TNPO1: variants seen among roughly 807,000 people sequenced by gnomAD.
TNPO1 encodes the protein transportin-1.
TNPO1 carries 8 observed loss-of-function variants against 119.5 expected under a neutral mutation model. That is an observed-to-expected ratio of 0.07 (90% confidence interval 0.04 to 0.12). The LOEUF is 0.12. TNPO1 is among the 10% of genes least tolerant of loss of function. TNPO1 has a pLI of 1.00. For missense variants in TNPO1, 576 were observed against 1,089.8 expected (o/e 0.53, Z 6.64); for synonymous variants, 362 against 363.0 (o/e 1.00, Z 0.03).
chr5:72,891,356 T>C (rs1325527293), intron 14 of TNPO1, among the ~76,000 whole-genome samples: 2 of 151,878 alleles, frequency 1.3e-5, no homozygotes, highest in Non-Finnish European at 2.9e-5. Flanking sequence ...TCCCAGCTAC[T>C]CGGGAGGCTG....
intron 24 of TNPO1, among the ~76,000 whole-genome samples, chr5:72,906,434 G>A (rs1750173014): frequency 6.6e-6 from 1 of 151,576 alleles, no homozygotes. Context: ...TGGCATTACA[G>A]GCACATGCCA....
intron 11 of TNPO1, 100 bp from the exon 12 acceptor site, chr5:72,886,970 A>C (rs953208256): frequency 3.6e-5 from 39 of 1,072,900 alleles, no homozygotes; most frequent in Non-Finnish European, 4.9e-5. Flanking sequence ...TTATTTTAAA[A>C]CTCCGTATTA....
chr5:72,903,593 T>C, intron 22 of TNPO1, 116 bp from the exon 23 acceptor site: 1 of 672,004 alleles, frequency 1.5e-6, no homozygotes, highest in Non-Finnish European at 2.5e-6. Context: ...AATTTTTAAA[T>C]GTTTCCTTTT....
chr5:72,851,996 C>T (rs758003537), intron 3 of TNPO1, among the ~76,000 whole-genome samples: 16 of 152,084 alleles, frequency 1.1e-4, no homozygotes, highest in Non-Finnish European at 1.9e-4. Flanking sequence ...GTCATATAAT[C>T]AAAATGAAAA....
intron 1 of TNPO1, 46 bp from the exon 2 acceptor site, chr5:72,848,339 G>A (rs377477022): frequency 1.3e-5 from 20 of 1,580,014 alleles, no homozygotes; most frequent in Non-Finnish European, 1.6e-5. Context: ...TGTGCACCGG[G>A]AGTAACAGTT....
chr5:72,850,279 A>G (rs559073579), intron 2 of TNPO1, among the ~76,000 whole-genome samples: 20 of 152,228 alleles, frequency 1.3e-4, no homozygotes, highest in Non-Finnish European at 1.5e-4. Flanking sequence ...ATTCATTGGC[A>G]TATCAGCTTG....
chr5:72,847,093 T>C (rs2112234795), intron 1 of TNPO1, among the ~76,000 whole-genome samples: 1 of 152,114 alleles, frequency 6.6e-6, no homozygotes, highest in South Asian at 2.1e-4. Flanking sequence ...ATTTACGAAG[T>C]CATTAGAACT....
At chr5:72,864,744 G>A (rs534442619) in intron 5 of TNPO1, among the ~76,000 whole-genome samples, 1 of 152,170 alleles carries the variant, frequency 6.6e-6, no homozygotes, top group South Asian at 2.1e-4. Context: ...GAGTAGCTGG[G>A]ATTACAGGCA....
chr5:72,900,150 G>T, intron 21 of TNPO1, 69 bp downstream of exon 21: 1 of 1,367,088 alleles, frequency 7.3e-7, no homozygotes, highest in Non-Finnish European at 1.0e-6. Context: ...CTCACTTTTA[G>T]ATATATTTTC....
intron 11 of TNPO1, among the ~76,000 whole-genome samples, chr5:72,883,609 T>G (rs148992273): frequency 6.6e-6 from 1 of 152,268 alleles, no homozygotes; most frequent in Non-Finnish European, 1.5e-5. Context: ...TGAAATAATA[T>G]TTCATTGTAA....
At chr5:72,878,281 C>T (rs972666359) in intron 9 of TNPO1, among the ~76,000 whole-genome samples, 1 of 151,564 alleles carries the variant, frequency 6.6e-6, no homozygotes, top group African/African-American at 2.4e-5. Flanking sequence ...GTTATAATTA[C>T]TAGGAGTGAT....
At chr5:72,882,418 T>C in intron 9 of TNPO1, 49 bp from the exon 10 acceptor site, 1 of 1,380,122 alleles carries the variant, frequency 7.2e-7, no homozygotes, top group Non-Finnish European at 1.0e-6. Flanking sequence ...TTATTAATTA[T>C]TCTCTTGAGA....
At chr5:72,820,800 T>C (rs1248128674) in intron 1 of TNPO1, among the ~76,000 whole-genome samples, 3 of 152,164 alleles carry the variant, frequency 2.0e-5, no homozygotes, top group African/African-American at 7.2e-5. Flanking sequence ...CTGGGAATAA[T>C]GAATGGGTAA....
intron 4 of TNPO1, among the ~76,000 whole-genome samples, chr5:72,858,852 T>A (rs1221655669): frequency 6.6e-6 from 1 of 151,620 alleles, no homozygotes. Flanking sequence ...AAAAAAAGAC[T>A]CTAAAGTATT....
intron 1 of TNPO1, among the ~76,000 whole-genome samples, chr5:72,820,009 A>G (rs916732462): frequency 6.6e-6 from 1 of 152,220 alleles, no homozygotes; most frequent in Admixed American, 6.5e-5. Flanking sequence ...TATCAGTACT[A>G]CGTAGTAACT....
intron 6 of TNPO1, among the ~76,000 whole-genome samples, chr5:72,866,167 C>T (rs1309759076): frequency 6.6e-6 from 1 of 152,182 alleles, no homozygotes; most frequent in African/African-American, 2.4e-5. Context: ...AGGTGGTAAC[C>T]ATAGTACCCA....
intron 5 of TNPO1, among the ~76,000 whole-genome samples, chr5:72,862,992 TTGTGTGTGTGTGTG>T (rs71614493): frequency 1.9e-3 from 279 of 144,870 alleles, no homozygotes; most frequent in African/African-American, 5.1e-3. Flanking sequence ...CTGTGGGTTT[TTGTGTGTGTGTGTG>T]TGTGTGTGTG....
intron 15 of TNPO1, 127 bp downstream of exon 15, chr5:72,892,023 C>G: frequency 1.5e-6 from 1 of 662,706 alleles, no homozygotes; most frequent in Non-Finnish European, 2.5e-6. Context: ...TTATATGATA[C>G]ATACTGTTCT....
chr5:72,904,921 T>G lies in TNPO1; in HGVS notation c.2590-382T>G, dbSNP rs1430295889. On this transcript the variant is annotated intron_variant, in intron 23 of 24. Transcript: ENST00000337273. The stretch of plus-strand genomic sequence containing the variant: ...GTCATGGTGGAAGGTGAAAGACAAG[T>G]CTTAAATCGCAGCAGGCAAGAAAGA... Among the ~76,000 whole-genome samples the G allele has an allele frequency of 2.6e-5, 4 of 152,096 alleles. No individual in the cohort carries two copies. The South Asian group carries it at 8.3e-4, about 31-fold the overall frequency.
Sources: allele counts gnomAD v4.1 joint callset (sites outside exome capture counted in the v4.1 genomes callset), GRCh38; gene constraint gnomAD v4.1.1; transcripts MANE v1.5; gene names NCBI Gene and HGNC (gene_info 2026-07-23, HGNC 2026-07-21).